TMEM268: variants seen among roughly 807,000 people sequenced by gnomAD.
TMEM268 encodes the protein transmembrane protein 268.
TMEM268 carries 24 observed loss-of-function variants against 39.1 expected under a neutral mutation model. The ratio of observed to expected loss-of-function variants is 0.61; its 90% CI spans 0.44 to 0.86. TMEM268 has a LOEUF of 0.86. Among genes scored for constraint, TMEM268 ranks in the 40% least tolerant of loss-of-function variants. TMEM268 has a pLI of 0.00. For missense variants in TMEM268, 409 were observed against 428.6 expected (o/e 0.95, Z 0.40); for synonymous variants, 176 against 173.5 (o/e 1.01, Z -0.12).
intron 2 of TMEM268, among the ~76,000 whole-genome samples, chr9:114,623,044 C>T (rs1264965383): frequency 4.6e-5 from 7 of 152,034 alleles, no homozygotes; most frequent in Admixed American, 2.0e-4. Flanking sequence ...AAGCTGAGAT[C>T]GTGCCACTGC....
chr9:114,622,091 T>C (rs1845968988), intron 2 of TMEM268: 1 of 985,340 alleles, frequency 1.0e-6, no homozygotes, highest in Admixed American at 6.1e-5. Context: ...AGATGTTTTG[T>C]TTGCCTAGTT....
intron 5 of TMEM268, 123 bp downstream of exon 5, chr9:114,628,373 G>T: frequency 9.7e-7 from 1 of 1,031,096 alleles, no homozygotes; most frequent in Non-Finnish European, 1.4e-6. Context: ...ACACTAGCCC[G>T]TAAGCCCAGT....
the TMEM268 span, among the ~76,000 whole-genome samples, chr9:114,605,450 A>G: frequency 1.3e-5 from 2 of 152,264 alleles, no homozygotes; most frequent in Admixed American, 6.5e-5. Flanking sequence ...CTAGAAGGTG[A>G]AAGATCATCA....
In TMEM268 at chr9:114,638,669, C is replaced by A; in HGVS notation, c.792C>A (p.Asn264Lys). 1 of 1,607,678 alleles carries A rather than the reference C, an allele frequency of 6.2e-7. No homozygotes were observed. The highest frequency in any genetic ancestry group is 8.5e-7 in the Non-Finnish European group (1 of 1,177,262). ...TCCTGCCCGGCAATTCTTGTCCTAA[C>A]GAGAGGCCACTCATGCAGACTGAGC... ...APLLPGNSCP[N>K]ERPLMQTELH... The change falls in exon 8 of 9, where the codon AAC (asparagine) becomes AAA (lysine). Residue 264 changes from asparagine (N) to lysine (K), a missense_variant. Physicochemically the swap from Asn to Lys is moderately conservative, Grantham distance 94. Transcript: ENST00000288502.
chr9:114,644,933 A>G lies in TMEM268; in HGVS notation c.*1620A>G, dbSNP rs1162204754. ...TGCCTCAGCCTCCCAAGTAGCTGGG[A>G]CTACAGGTGTGCACCACTACTCCTG... On this transcript the variant is annotated 3_prime_UTR_variant, in exon 9 of 9. Coordinates refer to ENST00000288502, the MANE Select transcript of TMEM268 (RefSeq NM_153045.4). 1 of 152,146 alleles carries G rather than the reference A, an allele frequency of 6.6e-6. No homozygotes were observed. The highest frequency in any genetic ancestry group is 2.4e-5 in the African/African-American group (1 of 41,388). 9.4% of individuals were successfully genotyped at this position (152,146 alleles called of 1,614,324 possible). A position where few individuals can be genotyped will look rare whatever the true frequency, so the allele number is the denominator to read the frequency against.
chr9:114,643,214 G>A lies in TMEM268; in HGVS notation c.930G>A (p.Met310Ile). 3 of 1,614,194 alleles carry A rather than the reference G, an allele frequency of 1.9e-6. No homozygotes were observed. The highest frequency in any genetic ancestry group is 2.5e-6 in the Non-Finnish European group (3 of 1,180,008). ...TGACCTCCCAGCTCCCTCAGGCAAT[G>A]GGGACACGACACACGAACTCTCCGA... ...LLVTSQLPQA[M>I]GTRHTNSPRI... Residue 310 changes from methionine (M) to isoleucine (I), a missense_variant, in exon 9 of 9, where the codon ATG (methionine) becomes ATA (isoleucine). Physicochemically the swap from Met to Ile is conservative, Grantham distance 10 (BLOSUM62 1). Transcript: ENST00000288502.
At chr9:114,642,084 T>C (rs1339908778) in intron 8 of TMEM268, among the ~76,000 whole-genome samples, 9 of 152,220 alleles carry the variant, frequency 5.9e-5, no homozygotes. Context: ...TTCAGCAGCA[T>C]GAGGTACATT....
At chr9:114,611,962 A>G (rs1435444784) in intron 1 of TMEM268, among the ~76,000 whole-genome samples, 1 of 152,212 alleles carries the variant, frequency 6.6e-6, no homozygotes, top group Non-Finnish European at 1.5e-5. Context: ...CCTGGGTTTC[A>G]ATTCTGGCCC....
chr9:114,640,783 T>C (rs1272309766), intron 8 of TMEM268, among the ~76,000 whole-genome samples: 2 of 152,232 alleles, frequency 1.3e-5, no homozygotes, highest in African/African-American at 4.8e-5. Flanking sequence ...GTGGGGTTTC[T>C]GCTTTTTTGA....
intron 6 of TMEM268, among the ~76,000 whole-genome samples, chr9:114,635,421 A>T (rs998638685): frequency 1.3e-5 from 2 of 152,034 alleles, no homozygotes; most frequent in African/African-American, 2.4e-5. Flanking sequence ...TCACCCCTAT[A>T]ATCCTAGCAC....
At chr9:114,619,293 G>GCA (rs10552544) in intron 2 of TMEM268, among the ~76,000 whole-genome samples, 27,513 of 150,298 alleles carry the variant, frequency 0.18, 2,513 homozygotes, top group Middle Eastern at 0.27. Flanking sequence ...GTGCACGCGT[G>GCA]CACACACACA....
At position 114,638,743 on chromosome 9, in the gene TMEM268, C is replaced by T; in HGVS notation, c.849+17C>T. On this transcript the variant is annotated intron_variant, in intron 8 of 8. Transcript: ENST00000288502. ...GAGCCGGAGGTAACAGGCACTGGGGCTTGTTGGGGCCATCTTCCCTCGGGG... is the reference window on the plus strand; with the variant it reads ...GAGCCGGAGGTAACAGGCACTGGGGTTTGTTGGGGCCATCTTCCCTCGGGG... 6.6e-7 allele frequency: 1 copy of T among 1,522,360 alleles called. No individual in the cohort carries two copies. Among genetic ancestry groups the T allele is most frequent in the Non-Finnish European group, 8.8e-7 (1 of 1,134,298 alleles). 94.3% of individuals were successfully genotyped at this position (1,522,360 alleles called of 1,614,324 possible).
chr9:114,605,702 C>T, the TMEM268 span, among the ~76,000 whole-genome samples: 1 of 152,162 alleles, frequency 6.6e-6, no homozygotes, highest in South Asian at 2.1e-4. Flanking sequence ...GGGTGGATCG[C>T]TTGAGCTTAG....
At chr9:114,634,476 T>TG (rs1176853280) in intron 6 of TMEM268, among the ~76,000 whole-genome samples, 1 of 152,082 alleles carries the variant, frequency 6.6e-6, no homozygotes, top group African/African-American at 2.4e-5. Context: ...CCCCGAAGGT[T>TG]GGGGGGAGAT....
intron 7 of TMEM268, 112 bp downstream of exon 7, chr9:114,637,182 C>T: frequency 1.5e-6 from 1 of 646,780 alleles, no homozygotes; most frequent in Non-Finnish European, 2.7e-6. Flanking sequence ...GGAAGAATAC[C>T]TACGAGCAAT....
At chr9:114,625,829 A>C (rs1846137738) in intron 3 of TMEM268, among the ~76,000 whole-genome samples, 1 of 150,420 alleles carries the variant, frequency 6.6e-6, no homozygotes, top group Non-Finnish European at 1.5e-5. Flanking sequence ...TCAATTAATT[A>C]ATTAATTAAT....
At chr9:114,618,784 T>C (rs189153001) in intron 2 of TMEM268, among the ~76,000 whole-genome samples, 36 of 152,368 alleles carry the variant, frequency 2.4e-4, no homozygotes, top group South Asian at 8.3e-4. Context: ...TATTCCTGTT[T>C]CTCCCTCTAG....
chr9:114,614,882 G>A (rs1845640269), intron 1 of TMEM268, among the ~76,000 whole-genome samples: 1 of 149,858 alleles, frequency 6.7e-6, no homozygotes, highest in Admixed American at 6.7e-5. Flanking sequence ...CCCATGACAG[G>A]TGTCACTGCC....
intron 1 of TMEM268, among the ~76,000 whole-genome samples, chr9:114,613,525 T>G (rs1400609568): frequency 1.3e-5 from 2 of 152,214 alleles, no homozygotes; most frequent in Admixed American, 6.5e-5. Context: ...TCAGTGATTA[T>G]CAAGTGCAGG....
Sources: gnomAD v4.1 joint callset for allele counts (sites outside exome capture counted in the v4.1 genomes callset) on GRCh38, gnomAD v4.1.1 for gene constraint, MANE v1.5 for transcripts, NCBI Gene and HGNC (gene_info 2026-07-23, HGNC 2026-07-21) for gene names.